The following BACH2 variants were observed in gnomAD, a reference collection of about 807,000 sequenced individuals.
BACH2 encodes BACH transcriptional regulator 2.
Under a neutral mutation model 61.8 loss-of-function variants are expected in BACH2, and 5 were observed. The ratio of observed to expected loss-of-function variants is 0.08; its 90% CI spans 0.04 to 0.17. The LOEUF (loss-of-function observed/expected upper bound fraction) is 0.17, where lower values mean the gene tolerates loss of function less well. Ranked by LOEUF, BACH2 falls within the 10% of genes least tolerant of loss-of-function variation. BACH2 has a pLI of 1.00. For synonymous variants in BACH2, 446 were observed against 440.1 expected (o/e 1.01, Z -0.17); for missense variants, 824 against 1,091.1 (o/e 0.76, Z 3.45).
At chr6:90,071,223 T>C (rs1342535694) in intron 5 of BACH2, among the ~76,000 whole-genome samples, 2 of 152,248 alleles carry the variant, frequency 1.3e-5, no homozygotes, top group Non-Finnish European at 2.9e-5. Flanking sequence ...AATGAAATCA[T>C]GACTCTTCCT....
chr6:90,045,689 C>T (rs1779743974), intron 5 of BACH2, among the ~76,000 whole-genome samples: 1 of 152,140 alleles, frequency 6.6e-6, no homozygotes, highest in Admixed American at 6.5e-5. Flanking sequence ...ATTACCAATA[C>T]CAAAAACTTC....
intron 3 of BACH2, among the ~76,000 whole-genome samples, chr6:90,251,617 G>A (rs1004355033): frequency 2.0e-5 from 3 of 152,052 alleles, no homozygotes; most frequent in Non-Finnish European, 2.9e-5. Context: ...CTTAAAAAAC[G>A]TATGTGTCAC....
At position 89,950,880 on chromosome 6, in the gene BACH2, G is replaced by C; in HGVS notation, c.1226C>G (p.Ser409Trp). 6.2e-7 allele frequency: 1 copy of C among 1,606,020 alleles called. No individual in the cohort carries two copies. The highest frequency in any genetic ancestry group is 8.5e-7 in the Non-Finnish European group (1 of 1,175,554). Residue 409 changes from serine (S) to tryptophan (W), a missense_variant, in exon 7 of 9, where the codon TCG becomes TGG. Coordinates refer to ENST00000257749, the MANE Select transcript of BACH2 (RefSeq NM_021813.4). The surrounding 1 kb of genome is among the most constrained non-coding windows in gnomAD (Gnocchi z 5.3). Reference protein sequence around the residue: ...QKEVSNFTMGSPLRGPGLEAL... With the variant: ...QKEVSNFTMGWPLRGPGLEAL... ...CTCCAACCCAGGCCCCCTGAGGGGC[G>C]ACCCCATGGTGAAGTTGGACACCTC... is the stretch of plus-strand genomic sequence containing the variant.
At chr6:90,187,031 T>G (rs1768381672) in intron 4 of BACH2, among the ~76,000 whole-genome samples, 1 of 152,224 alleles carries the variant, frequency 6.6e-6, no homozygotes, top group South Asian at 2.1e-4. Flanking sequence ...ATATACATAA[T>G]TGGTCTTCCT....
At chr6:89,952,604 T>C (rs1282877684) in intron 6 of BACH2, among the ~76,000 whole-genome samples, 1 of 152,218 alleles carries the variant, frequency 6.6e-6, no homozygotes, top group Non-Finnish European at 1.5e-5. Context: ...TGGTTGAAGC[T>C]GCTGAGTGGC....
chr6:90,196,505 G>A lies in BACH2; in HGVS notation c.-162+10064C>T, dbSNP rs1003660185. 3.9e-5 allele frequency among the ~76,000 whole-genome samples: 6 copies of A among 152,200 alleles called. No homozygotes were observed. In the East Asian group the frequency reaches 9.6e-4, roughly 24 times the overall value. On this transcript the variant is annotated intron_variant, in intron 4 of 8. Coordinates refer to ENST00000257749, the MANE Select transcript of BACH2 (RefSeq NM_021813.4). ...ATTCCTTTTCTTATCTTCAATACACGTGTCTATTTTTAGCTATAATCAGAC... is the reference window on the plus strand; with the variant it reads ...ATTCCTTTTCTTATCTTCAATACACATGTCTATTTTTAGCTATAATCAGAC...
chr6:90,203,686 C>G (rs950528448), intron 4 of BACH2, among the ~76,000 whole-genome samples: 6 of 152,116 alleles, frequency 3.9e-5, no homozygotes, highest in Non-Finnish European at 7.3e-5. Flanking sequence ...TCTGTGTAAA[C>G]CCATGAGTTT....
intron 7 of BACH2, among the ~76,000 whole-genome samples, chr6:89,945,374 C>T (rs1023321191): frequency 6.6e-6 from 1 of 152,152 alleles, no homozygotes; most frequent in African/African-American, 2.4e-5. Flanking sequence ...TAATACATGA[C>T]AATATACCTG....
chr6:90,127,466 C>T (rs374747857), intron 4 of BACH2, among the ~76,000 whole-genome samples: 39 of 152,268 alleles, frequency 2.6e-4, no homozygotes, highest in African/African-American at 8.2e-4. Context: ...TTTATTATAC[C>T]GCCTTGGCAG....
chr6:90,114,292 GCAGCACATCAAAAAATGAATCCAC>G (rs1190353169), intron 4 of BACH2, among the ~76,000 whole-genome samples: 1 of 152,054 alleles, frequency 6.6e-6, no homozygotes, highest in Non-Finnish European at 1.5e-5. Flanking sequence ...ACCAAATCCA[GCAGCACATCAAAAAATGAATCCAC>G]CATAACCAAG....
chr6:90,092,148 C>T (rs1782184413), intron 4 of BACH2, among the ~76,000 whole-genome samples: 1 of 151,798 alleles, frequency 6.6e-6, no homozygotes, highest in Admixed American at 6.6e-5. Flanking sequence ...TCCTTGGATA[C>T]TCAAACTGTA....
At chr6:90,140,287 T>C (rs988503403) in intron 4 of BACH2, among the ~76,000 whole-genome samples, 1 of 152,270 alleles carries the variant, frequency 6.6e-6, no homozygotes, top group Admixed American at 6.5e-5. Context: ...ATTCTGCTAA[T>C]TGGTAGACAA....
intron 6 of BACH2, chr6:90,001,319 C>T (rs1222315711): frequency 1.3e-5 from 2 of 152,214 alleles, no homozygotes; most frequent in Non-Finnish European, 2.9e-5. Flanking sequence ...TATGTATATA[C>T]TTGTGAATGA....
At chr6:90,242,139 TTA>T (rs752686816) in intron 3 of BACH2, among the ~76,000 whole-genome samples, 47 of 152,062 alleles carry the variant, frequency 3.1e-4, no homozygotes, top group South Asian at 6.2e-4. Context: ...AGTTCACTCT[TTA>T]TGTTACACAG....
intron 6 of BACH2, among the ~76,000 whole-genome samples, chr6:89,990,907 C>T (rs1776511268): frequency 6.6e-6 from 1 of 152,206 alleles, no homozygotes; most frequent in Admixed American, 6.5e-5. Context: ...ATGCTCAATG[C>T]AAATCTGTTA....
In BACH2 at chr6:89,928,922, A is replaced by T. The variant is rs762442061; in HGVS notation, c.*3486T>A. 3.3e-5 allele frequency: 5 copies of T among 152,230 alleles called. No homozygotes were observed. The highest frequency in any genetic ancestry group is 2.6e-4 in the Admixed American group (4 of 15,212). 9.4% of individuals were successfully genotyped at this position (152,230 alleles called of 1,614,324 possible). On this transcript the variant is annotated 3_prime_UTR_variant, in exon 9 of 9. Transcript: ENST00000257749. ...TTGTTCCAGAATCAGTATGTAATAA[A>T]GTTCGATTTTAATCAAGGCACCCCC... is the stretch of plus-strand genomic sequence containing the variant.
rs535267804 is a variant in BACH2, at chr6:89,991,478, T to C, written c.243+17124A>G. ...CTGTTCACGTAAGCGTGCACGCGCA[T>C]GCACACACACACACACACATGCATA... On this transcript the variant is annotated intron_variant, in intron 6 of 8. Coordinates refer to ENST00000257749, the MANE Select transcript of BACH2 (RefSeq NM_021813.4). Among the ~76,000 whole-genome samples, 13 of 151,916 alleles carry C rather than the reference T, an allele frequency of 8.6e-5. No individual in the cohort carries two copies. In the East Asian group the frequency reaches 2.6e-3, roughly 31 times the overall value.
intron 7 of BACH2, among the ~76,000 whole-genome samples, chr6:89,948,215 A>AT (rs1028981561): frequency 1.2e-3 from 185 of 150,472 alleles, no homozygotes; most frequent in Middle Eastern, 6.8e-3. Context: ...CCAGCCTTTT[A>AT]TTTTTTTTTG....
At chr6:90,059,455 C>G (rs1368398534) in intron 5 of BACH2, among the ~76,000 whole-genome samples, 1 of 152,126 alleles carries the variant, frequency 6.6e-6, no homozygotes, top group Non-Finnish European at 1.5e-5. Flanking sequence ...GAATGGCGAT[C>G]ATTAAAAAGT....
Sources: allele counts gnomAD v4.1 joint callset (sites outside exome capture counted in the v4.1 genomes callset), GRCh38; gene constraint gnomAD v4.1.1; non-coding constraint Gnocchi (gnomAD v3.1); transcripts MANE v1.5; gene names NCBI Gene and HGNC (gene_info 2026-07-23, HGNC 2026-07-21).